Variants in SYNJ1 observed in about 807,000 individuals in gnomAD.
SYNJ1 encodes synaptojanin 1, also known as polyphosphatidylinositol phosphatase SYNJ1.
SYNJ1 carries 78 observed loss-of-function variants against 168.2 expected under a neutral mutation model. The observed-to-expected ratio is 0.46, with a 90% CI of 0.39 to 0.56. The LOEUF (loss-of-function observed/expected upper bound fraction) is 0.56, where lower values mean the gene tolerates loss of function less well. Among genes scored for constraint, SYNJ1 ranks in the 20% least tolerant of loss-of-function variants. SYNJ1 has a pLI of 0.00. For missense variants in SYNJ1, 1,303 were observed against 1,597.6 expected (o/e 0.82, Z 3.14); for synonymous variants, 539 against 548.6 (o/e 0.98, Z 0.24).
In SYNJ1 at chr21:32,664,987, C is replaced by CT; in HGVS notation, c.2229dup (p.Glu744ArgfsTer28). The CT allele has an allele frequency of 1.2e-6, 2 of 1,613,800 alleles. No homozygotes were observed. The highest frequency in any genetic ancestry group is 1.7e-6 in the Non-Finnish European group (2 of 1,179,840). On this transcript the variant is annotated frameshift_variant, in exon 18 of 33. Coordinates refer to ENST00000674351, the MANE Select transcript of SYNJ1 (RefSeq NM_203446.3). LOFTEE classifies it high-confidence loss of function. The stretch of plus-strand genomic sequence containing the variant: ...TCCCAATTTTGCTGTCTTATGAGCT[C>CT]TTTAACTTCTTCGTTAGGGAGATCG...
chr21:32,683,961 TA>T lies in SYNJ1; in HGVS notation c.1200+76del, dbSNP rs1489694599. The T allele has an allele frequency of 5.7e-6, 7 of 1,238,804 alleles. No individual in the cohort carries two copies. In the African/African-American group the frequency reaches 7.4e-5, roughly 13 times the overall value. 76.7% of individuals were successfully genotyped at this position (1,238,804 alleles called of 1,614,324 possible). On this transcript the variant is annotated intron_variant, in intron 10 of 32. Transcript: ENST00000674351. ...ATTACATACACTTTCTGGAAGGTAA[TA>T]AGAAACATAAGTATTCAAAAAGCAC... is the stretch of plus-strand genomic sequence containing the variant.
intron 13 of SYNJ1, among the ~76,000 whole-genome samples, chr21:32,675,376 AAC>A (rs1209641479): frequency 1.3e-5 from 2 of 152,198 alleles, no homozygotes; most frequent in Non-Finnish European, 2.9e-5. Flanking sequence ...TGCTTAAAGA[AAC>A]AGAGAGTCAA....
chr21:32,708,542 A>G (rs1429224892), intron 2 of SYNJ1, among the ~76,000 whole-genome samples: 1 of 152,256 alleles, frequency 6.6e-6, no homozygotes, highest in East Asian at 1.9e-4. Context: ...TGAGCCCATC[A>G]AGATCGACAG....
intron 9 of SYNJ1, among the ~76,000 whole-genome samples, chr21:32,685,399 C>A (rs1456705427): frequency 2.8e-5 from 3 of 108,136 alleles, no homozygotes; most frequent in Admixed American, 1.3e-4. Flanking sequence ...CCAGCCAGGG[C>A]AATACAGGGA....
At position 32,727,946 on chromosome 21, in the gene SYNJ1, C is replaced by T. The variant is rs1195858283; in HGVS notation, c.-23G>A. ...CCCCGCCCCCCGCCGGCTTGCTCAC[C>T]TCTTCCTCCGGCTCCTCCTCCTCCT... On this transcript the variant is annotated splice_region_variant and 5_prime_UTR_variant, in exon 1 of 33. Transcript: ENST00000674351. 11 of 1,533,396 alleles carry T rather than the reference C, an allele frequency of 7.2e-6. No homozygotes were observed. Among genetic ancestry groups the T allele is most frequent in the East Asian group, 2.5e-5 (1 of 40,616 alleles). The allele number at this position is 1,533,396 out of a possible 1,614,324, so 95.0% of individuals were successfully genotyped here.
At chr21:32,727,622 C>T (rs1053163644) in intron 1 of SYNJ1, among the ~76,000 whole-genome samples, 5 of 152,168 alleles carry the variant, frequency 3.3e-5, no homozygotes, top group African/African-American at 1.2e-4. Flanking sequence ...GCGGCTCCTT[C>T]TCGGAGAGAC....
Position 32,695,230 on chromosome 21 carries a change from A to T in SYNJ1, c.532T>A (p.Trp178Arg). ...LKHYGVNCDD[W>R]LLRLMCGGVE... ...CCTCCACACATAAGACGTAATAACC[A>T]GTCATCACAATTCACGCCATAGTGT... The change falls in exon 5 of 33, where the codon TGG becomes AGG. Residue 178 changes from tryptophan to arginine, a missense_variant. By Grantham distance (101) the Trp-to-Arg change is moderately radical. Transcript: ENST00000674351. 1 of 1,614,166 alleles carries T rather than the reference A, an allele frequency of 6.2e-7. No individual in the cohort carries two copies. Among genetic ancestry groups the T allele is most frequent in the Non-Finnish European group, 8.5e-7 (1 of 1,180,010 alleles).
At chr21:32,662,079 C>T (rs1198669751) in intron 18 of SYNJ1, among the ~76,000 whole-genome samples, 1 of 152,150 alleles carries the variant, frequency 6.6e-6, no homozygotes, top group Non-Finnish European at 1.5e-5. Context: ...GAATCCCAGC[C>T]TGGATCCACC....
intron 15 of SYNJ1, among the ~76,000 whole-genome samples, chr21:32,667,521 A>T (rs952275729): frequency 2.0e-5 from 3 of 152,168 alleles, no homozygotes; most frequent in African/African-American, 7.2e-5. Flanking sequence ...TTGTTTCTTT[A>T]AAAAGGGTCC....
chr21:32,637,385 C>T (rs2039618354), intron 31 of SYNJ1, among the ~76,000 whole-genome samples: 5 of 150,030 alleles, frequency 3.3e-5, no homozygotes, highest in Admixed American at 3.3e-4. Flanking sequence ...ATATTTTCAC[C>T]ATCCTCAATT....
At chr21:32,650,081 G>A (rs1302099288) in intron 23 of SYNJ1, 103 bp downstream of exon 23, 2 of 1,379,422 alleles carry the variant, frequency 1.4e-6, no homozygotes, top group Admixed American at 5.0e-5. Flanking sequence ...TGCTATGTAC[G>A]TCCCAAGAAG....
At chr21:32,702,216 AATAAATT>A (rs2042431073) in intron 2 of SYNJ1, among the ~76,000 whole-genome samples, 169 bp from the exon 3 acceptor site, 1 of 152,226 alleles carries the variant, frequency 6.6e-6, no homozygotes, top group Admixed American at 6.5e-5. Flanking sequence ...CCAAAGAGTT[AATAAATT>A]ATTCCAAGAC....
At chr21:32,700,885 A>G (rs954223546) in intron 3 of SYNJ1, among the ~76,000 whole-genome samples, 1 of 152,202 alleles carries the variant, frequency 6.6e-6, no homozygotes, top group African/African-American at 2.4e-5. Context: ...AACAACTTAT[A>G]AAGCAATTTG....
intron 1 of SYNJ1, among the ~76,000 whole-genome samples, chr21:32,727,247 T>G (rs892319948): frequency 1.3e-5 from 2 of 152,220 alleles, no homozygotes; most frequent in African/African-American, 4.8e-5. Context: ...GAGCTGTTTA[T>G]CAGCTTCCTG....
At chr21:32,642,064 A>C (rs754750128) in intron 28 of SYNJ1, 31 bp downstream of exon 28, 39 of 1,613,956 alleles carry the variant, frequency 2.4e-5, no homozygotes, top group Non-Finnish European at 3.1e-5. Context: ...TCCAGTTTTA[A>C]GGGTGAATAG....
intron 2 of SYNJ1, among the ~76,000 whole-genome samples, chr21:32,711,277 A>C (rs1451265986): frequency 6.6e-6 from 1 of 151,696 alleles, no homozygotes; most frequent in East Asian, 1.9e-4. Context: ...TAACATATCA[A>C]TTGTGCTCTA....
At chr21:32,661,606 A>C (rs2040706364) in intron 18 of SYNJ1, among the ~76,000 whole-genome samples, 1 of 152,154 alleles carries the variant, frequency 6.6e-6, no homozygotes, top group South Asian at 2.1e-4. Flanking sequence ...AATCACTTGG[A>C]AACTACATGC....
intron 18 of SYNJ1, among the ~76,000 whole-genome samples, chr21:32,661,938 T>C (rs1002630354): frequency 2.6e-5 from 4 of 152,142 alleles, no homozygotes; most frequent in African/African-American, 7.2e-5. Flanking sequence ...GTCAGCTTAT[T>C]CTCCCCAGTT....
chr21:32,708,781 T>C (rs796115846), intron 2 of SYNJ1, among the ~76,000 whole-genome samples: 3 of 151,954 alleles, frequency 2.0e-5, no homozygotes, highest in African/African-American at 7.2e-5. Flanking sequence ...TTTCATTTGA[T>C]ACCAGCTCTT....
Sources: allele counts gnomAD v4.1 joint callset (sites outside exome capture counted in the v4.1 genomes callset), GRCh38; gene constraint gnomAD v4.1.1; transcripts MANE v1.5; gene names NCBI Gene and HGNC (gene_info 2026-07-23, HGNC 2026-07-21).